MAGI2: variants seen among roughly 807,000 people sequenced by gnomAD.
The protein encoded by MAGI2 is membrane-associated guanylate kinase, WW and PDZ domain-containing protein 2.
A neutral mutation model predicts 133.3 loss-of-function variants in MAGI2; 35 were observed. The observed-to-expected ratio is 0.26, with a 90% CI of 0.20 to 0.35. The LOEUF (loss-of-function observed/expected upper bound fraction) is 0.35. MAGI2 is among the 10% of genes least tolerant of loss of function. The pLI is 1.00. For synonymous variants in MAGI2, 729 were observed against 710.6 expected (o/e 1.03, Z -0.41); for missense variants, 1,636 against 1,863.4 (o/e 0.88, Z 2.25).
At chr7:79,097,940 T>G (rs1358408700) in intron 1 of MAGI2, among the ~76,000 whole-genome samples, 1 of 151,958 alleles carries the variant, frequency 6.6e-6, no homozygotes, top group Non-Finnish European at 1.5e-5. Context: ...TGACCAACAT[T>G]GTGAAACCCC....
intron 2 of MAGI2, among the ~76,000 whole-genome samples, chr7:78,767,753 C>T (rs1488103067): frequency 6.6e-6 from 1 of 152,156 alleles, no homozygotes; most frequent in Non-Finnish European, 1.5e-5. Flanking sequence ...ATCAAGTTTT[C>T]CTTTACGTGC....
chr7:78,488,666 C>T (rs530466974), intron 6 of MAGI2, among the ~76,000 whole-genome samples: 1 of 151,978 alleles, frequency 6.6e-6, no homozygotes, highest in African/African-American at 2.4e-5. Flanking sequence ...ACAGATATGG[C>T]TATGAATACA....
chr7:79,306,312 T>TTA lies in MAGI2; in HGVS notation c.301+146706_301+146707dup, dbSNP rs200295284. ...TATATTATTTATATGCATATATATT[T>TTA]TATATATATGTGTATATATATATAT... On this transcript the variant is annotated intron_variant, in intron 1 of 21. Coordinates refer to ENST00000354212, the MANE Select transcript of MAGI2 (RefSeq NM_012301.4). Among the ~76,000 whole-genome samples the TTA allele has an allele frequency of 3.4e-3, 485 of 141,642 alleles. 2 individuals carry two copies. Among genetic ancestry groups the TTA allele is most frequent in the African/African-American group, 0.012 (457 of 37,408 alleles). 92.9% of individuals were successfully genotyped at this position (141,642 alleles called of 152,430 possible). A position where few individuals can be genotyped will look rare whatever the true frequency, so the allele number is the denominator to read the frequency against.
At chr7:78,450,073 T>C (rs1430485057) in intron 6 of MAGI2, among the ~76,000 whole-genome samples, 13 of 152,074 alleles carry the variant, frequency 8.5e-5, no homozygotes, top group Non-Finnish European at 2.9e-5. Context: ...GAATTTTTTT[T>C]TTAAAATGTG....
intron 5 of MAGI2, among the ~76,000 whole-genome samples, chr7:78,494,086 C>T (rs949685796): frequency 1.3e-5 from 2 of 152,036 alleles, no homozygotes; most frequent in Non-Finnish European, 2.9e-5. Flanking sequence ...AAGTGATTCT[C>T]CCGCCTCAGC....
intron 1 of MAGI2, among the ~76,000 whole-genome samples, chr7:79,304,920 C>A (rs936559944): frequency 6.6e-6 from 1 of 152,172 alleles, no homozygotes; most frequent in African/African-American, 2.4e-5. Context: ...GGTCACAGTG[C>A]TTATGTGGCT....
At chr7:78,538,905 A>G (rs1798181362) in intron 3 of MAGI2, among the ~76,000 whole-genome samples, 2 of 152,250 alleles carry the variant, frequency 1.3e-5, no homozygotes, top group South Asian at 4.1e-4. Context: ...AACAACTAGC[A>G]CAATGAATAG....
chr7:78,145,936 A>T (rs1057145257), intron 16 of MAGI2, among the ~76,000 whole-genome samples: 6 of 152,144 alleles, frequency 3.9e-5, no homozygotes, highest in Non-Finnish European at 5.9e-5. Flanking sequence ...GCACCATCAC[A>T]TTGGGAATTA....
chr7:78,424,773 T>C lies in MAGI2; in HGVS notation c.1046-55560A>G, dbSNP rs1451504557. Among the ~76,000 whole-genome samples the C allele has an allele frequency of 3.9e-5, 6 of 152,108 alleles. No individual in the cohort carries two copies. The East Asian group carries it at 1.2e-3, about 29-fold the overall frequency. On this transcript the variant is annotated intron_variant, in intron 6 of 21. Transcript: ENST00000354212. ...TGCTGGAATTTGGACTTGCATGGGG[T>C]CTGTAGCCCCTTTGTTTTGTCCAAT...
intron 1 of MAGI2, among the ~76,000 whole-genome samples, chr7:79,171,447 T>A (rs965267809): frequency 6.6e-6 from 1 of 151,980 alleles, no homozygotes; most frequent in South Asian, 2.1e-4. Context: ...TATTCTAAAG[T>A]CTAGGGCTTA....
At chr7:78,578,048 G>A (rs1405414792) in intron 3 of MAGI2, among the ~76,000 whole-genome samples, 232 of 141,742 alleles carry the variant, frequency 1.6e-3, no homozygotes, top group Middle Eastern at 3.6e-3. Flanking sequence ...AAAAAAAAAA[G>A]AGACCTTCAA....
intron 3 of MAGI2, among the ~76,000 whole-genome samples, chr7:78,522,967 G>C (rs1261905126): frequency 3.3e-5 from 5 of 152,060 alleles, no homozygotes; most frequent in African/African-American, 1.2e-4. Flanking sequence ...GTCCACTAAG[G>C]GAGACCAAAT....
At chr7:78,578,069 T>C (rs1478339282) in intron 3 of MAGI2, among the ~76,000 whole-genome samples, 1 of 150,844 alleles carries the variant, frequency 6.6e-6, no homozygotes, top group Non-Finnish European at 1.5e-5. Flanking sequence ...TTGTATTCTC[T>C]ATATTTGTAT....
In MAGI2 at chr7:79,223,965, T is replaced by C. The variant is rs2536052; in HGVS notation, c.302-216759A>G. 1.2e-3 allele frequency among the ~76,000 whole-genome samples: 181 copies of C among 152,198 alleles called. 6 individuals carry two copies. The East Asian group carries it at 0.031, about 26-fold the overall frequency. On this transcript the variant is annotated intron_variant, in intron 1 of 21. Transcript: ENST00000354212. ...TCTTCCCAGTGAAATCTATTTAGCC[T>C]AAACCATGATCATTGGGAGTGGGCT...
At chr7:78,272,463 G>T (rs1387870750) in intron 9 of MAGI2, among the ~76,000 whole-genome samples, 1 of 152,120 alleles carries the variant, frequency 6.6e-6, no homozygotes, top group African/African-American at 2.4e-5. Context: ...GGTCTGCTTG[G>T]TCCAGAGCTG....
intron 2 of MAGI2, among the ~76,000 whole-genome samples, chr7:78,988,012 C>G (rs1805427307): frequency 1.3e-5 from 2 of 152,064 alleles, no homozygotes; most frequent in African/African-American, 4.8e-5. Flanking sequence ...AGTGATATAA[C>G]AAATGAGCGT....
chr7:78,220,961 C>A (rs1432091105), intron 10 of MAGI2, among the ~76,000 whole-genome samples: 2 of 152,154 alleles, frequency 1.3e-5, no homozygotes, highest in East Asian at 3.8e-4. Flanking sequence ...GGGTTTACAA[C>A]CCATATGTTG....
intron 9 of MAGI2, among the ~76,000 whole-genome samples, chr7:78,260,764 A>G (rs1044874265): frequency 2.0e-5 from 3 of 152,118 alleles, no homozygotes; most frequent in Admixed American, 6.6e-5. Flanking sequence ...CTGGTCTCAC[A>G]CTAACCTGAT....
At chr7:78,832,054 T>C (rs1232391963) in intron 2 of MAGI2, among the ~76,000 whole-genome samples, 2 of 152,132 alleles carry the variant, frequency 1.3e-5, no homozygotes, top group Non-Finnish European at 2.9e-5. Flanking sequence ...AAAATGTTTT[T>C]CAGAATAAGG....
Sources: allele counts gnomAD v4.1 joint callset (sites outside exome capture counted in the v4.1 genomes callset), GRCh38; gene constraint gnomAD v4.1.1; transcripts MANE v1.5; gene names NCBI Gene and HGNC (gene_info 2026-07-23, HGNC 2026-07-21).